TAOK1: variants seen among roughly 807,000 people sequenced by gnomAD.
The protein encoded by TAOK1 is TAO kinase 1.
Under a neutral mutation model 138.3 loss-of-function variants are expected in TAOK1, and 21 were observed. The ratio of observed to expected loss-of-function variants is 0.15; its 90% CI spans 0.11 to 0.22. TAOK1 has a LOEUF of 0.22. Among genes scored for constraint, TAOK1 ranks in the 10% least tolerant of loss-of-function variants. TAOK1 has a pLI of 1.00. For missense variants in TAOK1, 651 were observed against 1,227.7 expected (o/e 0.53, Z 7.02); for synonymous variants, 361 against 398.4 (o/e 0.91, Z 1.12).
At chr17:29,498,066 A>C (rs998505113) in intron 11 of TAOK1, among the ~76,000 whole-genome samples, 1 of 152,192 alleles carries the variant, frequency 6.6e-6, no homozygotes, top group Non-Finnish European at 1.5e-5. Context: ...AAATCACCCA[A>C]ATCTGATCAG....
At chr17:29,453,191 G>C (rs770668134) in intron 2 of TAOK1, among the ~76,000 whole-genome samples, 5 of 136,944 alleles carry the variant, frequency 3.7e-5, no homozygotes, top group Non-Finnish European at 6.1e-5. Context: ...ATGGAGTCTC[G>C]CTCTATTGCC....
intron 1 of TAOK1, among the ~76,000 whole-genome samples, chr17:29,395,824 AT>A (rs1187461666): frequency 5.0e-4 from 36 of 72,090 alleles, no homozygotes; most frequent in Non-Finnish European, 6.7e-4. Context: ...CGTCTGGCTA[AT>A]TTTTTTTTTT....
At chr17:29,528,700 C>T (rs1197335420) in intron 17 of TAOK1, among the ~76,000 whole-genome samples, 2 of 151,654 alleles carry the variant, frequency 1.3e-5, no homozygotes, top group Non-Finnish European at 2.9e-5. Flanking sequence ...ATTGGCTGGG[C>T]TTGGTGGTGC....
intron 19 of TAOK1, among the ~76,000 whole-genome samples, chr17:29,535,741 C>T (rs56412144): frequency 0.015 from 2,333 of 151,852 alleles, 60 homozygotes; most frequent in African/African-American, 0.053. Flanking sequence ...ATAGTCCCAG[C>T]GACTAGGGAG....
At chr17:29,464,475 T>C (rs977722474) in intron 2 of TAOK1, among the ~76,000 whole-genome samples, 3 of 151,694 alleles carry the variant, frequency 2.0e-5, no homozygotes, top group Non-Finnish European at 4.4e-5. Flanking sequence ...AAAAATGTTC[T>C]GTAATTGACC....
chr17:29,466,157 G>C (rs2030662676), intron 2 of TAOK1, among the ~76,000 whole-genome samples: 1 of 152,006 alleles, frequency 6.6e-6, no homozygotes, highest in Admixed American at 6.6e-5. Context: ...ATTCCTGTGT[G>C]TTTTGTTTTT....
intron 1 of TAOK1, among the ~76,000 whole-genome samples, chr17:29,403,430 T>C (rs1277878446): frequency 6.6e-6 from 1 of 152,170 alleles, no homozygotes; most frequent in Non-Finnish European, 1.5e-5. Context: ...TGGAAAAGCT[T>C]TGTCTTTTTG....
intron 1 of TAOK1, among the ~76,000 whole-genome samples, chr17:29,398,132 G>T (rs1032691936): frequency 1.3e-5 from 2 of 152,098 alleles, no homozygotes; most frequent in African/African-American, 2.4e-5. Flanking sequence ...GCATCCCAAA[G>T]AGCTGGGATT....
rs2032476929 is a variant in TAOK1 at position 29,550,666 on chromosome 17, G to A, written c.*7644G>A. Reference sequence around the variant, plus strand: ...ATAAGTTATCCCACTGGGTTTAAGAGCATCTTGAATGTATAATCCTTTTTG... The same window carrying A: ...ATAAGTTATCCCACTGGGTTTAAGAACATCTTGAATGTATAATCCTTTTTG... On this transcript the variant is annotated 3_prime_UTR_variant, in exon 20 of 20. Coordinates refer to ENST00000261716, the MANE Select transcript of TAOK1 (RefSeq NM_020791.4). 1.3e-5 allele frequency: 2 copies of A among 152,166 alleles called. No homozygotes were observed. Among genetic ancestry groups the A allele is most frequent in the African/African-American group, 4.8e-5 (2 of 41,426 alleles). The allele number at this position is 152,166 out of a possible 1,614,324, so 9.4% of individuals were successfully genotyped here.
rs772140530 is a variant in TAOK1 at position 29,390,527 on chromosome 17, T to C, written c.-592T>C. 2.8e-3 allele frequency: 429 copies of C among 152,490 alleles called. 2 individuals are homozygous for C. Among genetic ancestry groups the C allele is most frequent in the Middle Eastern group, 6.7e-3 (2 of 300 alleles). The allele number at this position is 152,490 out of a possible 1,614,324, so 9.4% of individuals were successfully genotyped here. ...TAGGCACTCGCGAACATCTGAGGCCTCCCGGCCCCGGGGGACCCCGCCCCG... is the reference window on the plus strand; with the variant it reads ...TAGGCACTCGCGAACATCTGAGGCCCCCCGGCCCCGGGGGACCCCGCCCCG... On this transcript the variant is annotated 5_prime_UTR_variant, in exon 1 of 20. Transcript: ENST00000261716.
chr17:29,477,373 C>T (rs927933498), intron 4 of TAOK1, among the ~76,000 whole-genome samples: 15 of 151,736 alleles, frequency 9.9e-5, no homozygotes, highest in Admixed American at 9.8e-4. Context: ...ATGAAATACA[C>T]AGCTTATAGA....
chr17:29,475,890 G>A (rs559283923), intron 4 of TAOK1, 119 bp downstream of exon 4: 26 of 739,730 alleles, frequency 3.5e-5, no homozygotes, highest in African/African-American at 2.9e-4. Context: ...ATGTTAGTTC[G>A]TACTGAAAGA....
chr17:29,430,821 T>C (rs1236694738), intron 1 of TAOK1, among the ~76,000 whole-genome samples: 1 of 152,148 alleles, frequency 6.6e-6, no homozygotes, highest in Non-Finnish European at 1.5e-5. Flanking sequence ...AGTCCCTACC[T>C]GTTGGAGATC....
intron 1 of TAOK1, among the ~76,000 whole-genome samples, chr17:29,399,849 C>T (rs985127985): frequency 6.6e-6 from 1 of 152,106 alleles, no homozygotes; most frequent in Non-Finnish European, 1.5e-5. Context: ...CTCACCTCAG[C>T]CACCTCAGCA....
intron 9 of TAOK1, among the ~76,000 whole-genome samples, chr17:29,491,194 A>G (rs550092599): frequency 1.1e-4 from 16 of 152,326 alleles, no homozygotes; most frequent in Admixed American, 5.9e-4. Flanking sequence ...GTAATTATTT[A>G]CTGCCTTACT....
chr17:29,498,172 T>G, intron 11 of TAOK1, 146 bp from the exon 12 acceptor site: 1 of 723,746 alleles, frequency 1.4e-6, no homozygotes, highest in South Asian at 2.0e-5. Context: ...AACTTCCTGG[T>G]CTTGGAAAAT....
intron 1 of TAOK1, among the ~76,000 whole-genome samples, chr17:29,411,272 T>C (rs1207615094): frequency 6.6e-6 from 1 of 151,166 alleles, no homozygotes. Context: ...TTTGTATTTT[T>C]AGTAGAGACG....
intron 1 of TAOK1, chr17:29,403,899 A>G (rs916094783): frequency 1.3e-5 from 2 of 152,072 alleles, no homozygotes; most frequent in African/African-American, 4.8e-5. Context: ...TGTCGTTATT[A>G]GTGATAATGA....
chr17:29,501,237 A>G (rs66503223), intron 12 of TAOK1, among the ~76,000 whole-genome samples: 2,357 of 139,080 alleles, frequency 0.017, 25 homozygotes, highest in Middle Eastern at 0.089. Context: ...AAAAAAAAAA[A>G]AAAAAGAAAA....
Sources: allele counts gnomAD v4.1 joint callset (sites outside exome capture counted in the v4.1 genomes callset), GRCh38; gene constraint gnomAD v4.1.1; transcripts MANE v1.5; gene names NCBI Gene and HGNC (gene_info 2026-07-23, HGNC 2026-07-21).